Variants in PTPRT observed in about 807,000 individuals in gnomAD.
PTPRT encodes receptor-type tyrosine-protein phosphatase T.
PTPRT carries 56 observed loss-of-function variants against 176.8 expected under a neutral mutation model. That is an observed-to-expected ratio of 0.32 (90% CI 0.26 to 0.40). PTPRT has a LOEUF of 0.40. Among genes scored for constraint, PTPRT ranks in the 10% least tolerant of loss-of-function variants. The pLI is 1.00. For missense variants in PTPRT, 1,540 were observed against 1,908.2 expected (o/e 0.81, Z 3.60); for synonymous variants, 783 against 739.0 (o/e 1.06, Z -0.96).
chr20:43,087,533 T>C (rs1316625333), intron 1 of PTPRT, among the ~76,000 whole-genome samples: 2 of 151,826 alleles, frequency 1.3e-5, no homozygotes, highest in South Asian at 2.1e-4. Context: ...CCAGCTAATG[T>C]TTGCATTTTT....
At chr20:42,511,763 C>T (rs1181597717) in intron 7 of PTPRT, among the ~76,000 whole-genome samples, 1 of 151,682 alleles carries the variant, frequency 6.6e-6, no homozygotes, top group African/African-American at 2.4e-5. Context: ...AATGTCTTGG[C>T]AAGGTCTATT....
At chr20:42,947,913 T>C (rs1980989648) in intron 1 of PTPRT, among the ~76,000 whole-genome samples, 1 of 152,146 alleles carries the variant, frequency 6.6e-6, no homozygotes, top group Non-Finnish European at 1.5e-5. Flanking sequence ...ATTATGTCTG[T>C]CTTGTCCACT....
At chr20:42,742,554 G>A (rs2076627185) in intron 6 of PTPRT, among the ~76,000 whole-genome samples, 1 of 152,208 alleles carries the variant, frequency 6.6e-6, no homozygotes, top group African/African-American at 2.4e-5. Flanking sequence ...GGGAAAAAGA[G>A]AGGGGGCTTG....
At chr20:42,465,472 T>A (rs2071088071) in intron 8 of PTPRT, among the ~76,000 whole-genome samples, 1 of 152,258 alleles carries the variant, frequency 6.6e-6, no homozygotes, top group Non-Finnish European at 1.5e-5. Context: ...AATACCATAG[T>A]GTCATAAAAA....
At position 42,781,777 on chromosome 20, in the gene PTPRT, C is replaced by G. The variant is rs2077218874; in HGVS notation, c.487-1478G>C. Among the ~76,000 whole-genome samples the G allele has an allele frequency of 2.0e-5, 3 of 152,186 alleles. No homozygotes were observed. In the South Asian group the frequency reaches 6.2e-4, roughly 32 times the overall value. On this transcript the variant is annotated intron_variant, in intron 3 of 30. Coordinates refer to ENST00000373187, the MANE Select transcript of PTPRT (RefSeq NM_007050.6). ...CCTAAAACTGCTTACACGGAAGATA[C>G]TAATAATCTTCTAATTGCTTAATCA...
At chr20:42,882,579 A>C (rs975160149) in intron 2 of PTPRT, among the ~76,000 whole-genome samples, 2 of 152,226 alleles carry the variant, frequency 1.3e-5, no homozygotes, top group African/African-American at 2.4e-5. Flanking sequence ...AAAGGCCTTT[A>C]ATCTTTTTTC....
intron 9 of PTPRT, among the ~76,000 whole-genome samples, chr20:42,410,543 G>A (rs1167534314): frequency 6.6e-6 from 1 of 151,922 alleles, no homozygotes; most frequent in Non-Finnish European, 1.5e-5. Flanking sequence ...ATTAAAATTA[G>A]AGAAAATCTG....
At chr20:42,619,153 C>T (rs1194726019) in intron 7 of PTPRT, among the ~76,000 whole-genome samples, 7 of 150,606 alleles carry the variant, frequency 4.6e-5, no homozygotes. Flanking sequence ...CAAAATGTCT[C>T]AGCATTTGCT....
intron 7 of PTPRT, among the ~76,000 whole-genome samples, chr20:42,556,405 T>C (rs1157347): frequency 0.26 from 39,311 of 152,008 alleles, 5,844 homozygotes; most frequent in African/African-American, 0.4. Context: ...TGAGAACACT[T>C]AGGCTGGGAG....
intron 5 of PTPRT, among the ~76,000 whole-genome samples, chr20:42,770,659 C>G (rs573495340): frequency 6.6e-6 from 1 of 152,174 alleles, no homozygotes; most frequent in East Asian, 1.9e-4. Flanking sequence ...AAAAGCGACT[C>G]TCTAATTTTA....
chr20:43,063,719 A>G (rs1238808777), intron 1 of PTPRT: 1 of 152,212 alleles, frequency 6.6e-6, no homozygotes, highest in African/African-American at 2.4e-5. Flanking sequence ...AGAGCCTTCT[A>G]AAGACTTAAG....
At chr20:42,552,436 A>C (rs2072786306) in intron 7 of PTPRT, among the ~76,000 whole-genome samples, 1 of 152,174 alleles carries the variant, frequency 6.6e-6, no homozygotes, top group East Asian at 1.9e-4. Flanking sequence ...AGTGTGTGAA[A>C]AATATCCAAT....
intron 1 of PTPRT, among the ~76,000 whole-genome samples, chr20:42,950,326 G>A (rs916179054): frequency 1.3e-5 from 2 of 152,210 alleles, no homozygotes; most frequent in Admixed American, 6.5e-5. Flanking sequence ...TCAGCGTACA[G>A]AGATCAATCC....
Position 42,248,762 on chromosome 20 carries a change from T to C in PTPRT, c.2237A>G (p.Lys746Arg). The change falls in exon 14 of 31, where the codon AAG becomes AGG. Residue 746 changes from lysine to arginine, a missense_variant. Around this residue, in one of 11 missense-constraint regions of PTPRT, gnomAD observed 255 missense variants for 250.1 expected, o/e 1.02. Transcript: ENST00000373187. ...EPEKQVDNTV[K>R]MAGVIAGLLM... is the part of the protein sequence containing the mutation. The stretch of plus-strand genomic sequence containing the variant: ...GAGGCCAGCGATCACGCCAGCCATC[T>C]TCACGGTGTTGTCCACCTGCTTCTC... The C allele has an allele frequency of 6.2e-7, 1 of 1,614,124 alleles. No homozygotes were observed. Among genetic ancestry groups the C allele is most frequent in the Non-Finnish European group, 8.5e-7 (1 of 1,179,988 alleles).
At chr20:42,126,916 T>C (rs1987886179) in intron 19 of PTPRT, among the ~76,000 whole-genome samples, 1 of 152,212 alleles carries the variant, frequency 6.6e-6, no homozygotes, top group South Asian at 2.1e-4. Context: ...GGAAGGGCTA[T>C]GGTGGCAGAG....
rs577028684 is a variant in PTPRT at position 42,676,033 on chromosome 20, G to A, written c.1153+1833C>T. On this transcript the variant is annotated intron_variant, in intron 7 of 30. Coordinates refer to ENST00000373187, the MANE Select transcript of PTPRT (RefSeq NM_007050.6). ...TTCCATAAGCTCATCACCAATGCTT[G>A]CCATGTCATCTACAGGCACTTTTTC... is the stretch of plus-strand genomic sequence containing the variant. 1.5e-4 allele frequency among the ~76,000 whole-genome samples: 23 copies of A among 152,274 alleles called. No individual in the cohort carries two copies. In the South Asian group the frequency reaches 3.1e-3, roughly 21 times the overall value.
At chr20:42,363,994 CA>C (rs1568813915) in intron 9 of PTPRT, among the ~76,000 whole-genome samples, 2 of 152,220 alleles carry the variant, frequency 1.3e-5, no homozygotes, top group East Asian at 3.9e-4. Flanking sequence ...AGTATTTGGA[CA>C]GGCAGAGAGA....
chr20:42,339,925 A>G (rs551847616), intron 11 of PTPRT, among the ~76,000 whole-genome samples: 1 of 152,210 alleles, frequency 6.6e-6, no homozygotes, highest in South Asian at 2.1e-4. Flanking sequence ...TCTTCATTAC[A>G]TTGCTCATCT....
intron 1 of PTPRT, among the ~76,000 whole-genome samples, chr20:42,945,056 A>G (rs536153638): frequency 1.3e-5 from 2 of 148,946 alleles, no homozygotes; most frequent in South Asian, 2.1e-4. Flanking sequence ...GTTATATAGT[A>G]TTTATATATA....
Sources: allele counts gnomAD v4.1 joint callset (sites outside exome capture counted in the v4.1 genomes callset), GRCh38; gene constraint gnomAD v4.1.1; regional missense constraint gnomAD v4.1.1; transcripts MANE v1.5; gene names NCBI Gene and HGNC (gene_info 2026-07-23, HGNC 2026-07-21).